Variants in MARCHF4 observed in about 807,000 individuals in gnomAD.
MARCHF4 encodes E3 ubiquitin-protein ligase MARCHF4.
A neutral mutation model predicts 43.9 loss-of-function variants in MARCHF4; 14 were observed. That is an observed-to-expected ratio of 0.32 (90% confidence interval 0.21 to 0.50). MARCHF4 has a LOEUF of 0.50. MARCHF4 is among the 20% of genes least tolerant of loss of function. The pLI, the probability that MARCHF4 is intolerant of heterozygous loss-of-function variation, is 0.98. For synonymous variants in MARCHF4, 226 were observed against 213.3 expected, an observed-to-expected ratio of 1.06 and a Z score of -0.52; for missense variants, 468 against 536.7, an observed-to-expected ratio of 0.87 and a Z score of 1.27.
intron 1 of MARCHF4, among the ~76,000 whole-genome samples, chr2:216,345,218 T>C (rs532968598): frequency 3.8e-4 from 58 of 152,138 alleles, no homozygotes; most frequent in African/African-American, 1.4e-3. Context: ...GGGCCTCTGC[T>C]TTCTCCCCAC....
intron 2 of MARCHF4, among the ~76,000 whole-genome samples, chr2:216,281,099 T>C (rs1240734303): frequency 7.4e-6 from 1 of 135,864 alleles, no homozygotes; most frequent in Non-Finnish European, 1.5e-5. Context: ...AGGATCTCGC[T>C]CTGCCACCCA....
chr2:216,352,303 G>A (rs1212671049), intron 1 of MARCHF4, among the ~76,000 whole-genome samples: 1 of 152,192 alleles, frequency 6.6e-6, no homozygotes, highest in Non-Finnish European at 1.5e-5. Flanking sequence ...GTGGAAGCCA[G>A]GCTGGGTTAG....
intron 3 of MARCHF4, among the ~76,000 whole-genome samples, chr2:216,265,030 A>G (rs1310944241): frequency 1.3e-5 from 2 of 152,170 alleles, no homozygotes; most frequent in African/African-American, 2.4e-5. Context: ...ACTGGGGCTC[A>G]TCTGATAGGA....
In MARCHF4 at chr2:216,309,869, T is replaced by C. The variant is rs370888162; in HGVS notation, c.517-26140A>G. On this transcript the variant is annotated intron_variant, in intron 1 of 3. Transcript: ENST00000273067. ...CATGATGTAGTTCCACTTGGCTTTC[T>C]GCCCCCTTTCAACCAAAAGAGCTCT... 2.4e-3 allele frequency among the ~76,000 whole-genome samples: 293 copies of C among 124,340 alleles called. 1 individual carries two copies. The highest frequency in any genetic ancestry group is 7.1e-3 in the African/African-American group (274 of 38,554). 81.6% of individuals were successfully genotyped at this position (124,340 alleles called of 152,430 possible).
At chr2:216,267,905 C>T (rs986115188) in intron 3 of MARCHF4, among the ~76,000 whole-genome samples, 4 of 152,234 alleles carry the variant, frequency 2.6e-5, no homozygotes, top group Non-Finnish European at 5.9e-5. Flanking sequence ...GCATCTGCTT[C>T]TAAATCAGTC....
chr2:216,349,776 G>A (rs1235125754), intron 1 of MARCHF4, among the ~76,000 whole-genome samples: 2 of 152,150 alleles, frequency 1.3e-5, no homozygotes, highest in Non-Finnish European at 2.9e-5. Context: ...CAAGGCTGGA[G>A]GCTCGACCAA....
intron 1 of MARCHF4, chr2:216,321,600 A>G (rs975867467): frequency 6.6e-6 from 1 of 152,168 alleles, no homozygotes; most frequent in Admixed American, 6.5e-5. Context: ...ATCTTGTTAA[A>G]TGGAGATGGG....
chr2:216,292,437 A>G (rs779028538), intron 1 of MARCHF4, among the ~76,000 whole-genome samples: 2 of 152,190 alleles, frequency 1.3e-5, no homozygotes, highest in Non-Finnish European at 2.9e-5. Context: ...GCCCATGTGT[A>G]TTAGTGTGGG....
intron 1 of MARCHF4, among the ~76,000 whole-genome samples, chr2:216,338,685 T>G (rs931097863): frequency 6.6e-6 from 1 of 152,128 alleles, no homozygotes; most frequent in African/African-American, 2.4e-5. Context: ...AATCCCCACA[T>G]GAACCATCTA....
At chr2:216,268,264 A>G (rs571745381) in intron 3 of MARCHF4, among the ~76,000 whole-genome samples, 3 of 152,290 alleles carry the variant, frequency 2.0e-5, no homozygotes, top group African/African-American at 7.2e-5. Context: ...ATGAGGAACT[A>G]ACTGTAGAGA....
intron 3 of MARCHF4, among the ~76,000 whole-genome samples, chr2:216,260,862 G>A (rs574701431): frequency 3.3e-5 from 5 of 152,198 alleles, no homozygotes; most frequent in East Asian, 1.9e-4. Context: ...GATGTCATGC[G>A]GGTTGGAAAT....
chr2:216,297,858 T>C (rs1691422035), intron 1 of MARCHF4, among the ~76,000 whole-genome samples: 1 of 152,188 alleles, frequency 6.6e-6, no homozygotes, highest in Admixed American at 6.5e-5. Flanking sequence ...CTCTTAGCCC[T>C]GGTGTTGAGA....
chr2:216,283,794 C>T (rs1363843826), intron 1 of MARCHF4, 65 bp from the exon 2 acceptor site: 19 of 1,469,198 alleles, frequency 1.3e-5, no homozygotes, highest in Middle Eastern at 2.4e-4. Flanking sequence ...GAGTGATGGG[C>T]GGGAGGGTGG....
chr2:216,271,683 T>A (rs1690941009), intron 3 of MARCHF4, among the ~76,000 whole-genome samples: 1 of 152,182 alleles, frequency 6.6e-6, no homozygotes, highest in South Asian at 2.1e-4. Flanking sequence ...CCAGCTCTTA[T>A]TATATGGGGT....
chr2:216,272,130 A>G lies in MARCHF4; in HGVS notation c.865+5542T>C, dbSNP rs557157623. Among the ~76,000 whole-genome samples the G allele has an allele frequency of 2.6e-5, 4 of 152,216 alleles. No individual in the cohort carries two copies. In the East Asian group the frequency reaches 7.7e-4, roughly 29 times the overall value. On this transcript the variant is annotated intron_variant, in intron 3 of 3. Transcript: ENST00000273067. ...TGGCCTCCCAAAGTGCCAAGATTAC[A>G]GGTATGAGCTACTGTGTCTGGCCTG...
At chr2:216,273,760 C>T (rs1690977629) in intron 3 of MARCHF4, among the ~76,000 whole-genome samples, 2 of 152,190 alleles carry the variant, frequency 1.3e-5, no homozygotes, top group South Asian at 2.1e-4. Flanking sequence ...TTTCCGCCTT[C>T]GTGCAGCAAG....
intron 3 of MARCHF4, among the ~76,000 whole-genome samples, chr2:216,274,386 C>A (rs932660688): frequency 6.6e-5 from 10 of 152,146 alleles, no homozygotes; most frequent in Non-Finnish European, 1.3e-4. Context: ...CTAGTTGAGC[C>A]TAAAAATAAA....
intron 3 of MARCHF4, among the ~76,000 whole-genome samples, chr2:216,261,049 T>C (rs946616059): frequency 6.6e-6 from 1 of 152,120 alleles, no homozygotes; most frequent in Admixed American, 6.5e-5. Context: ...AGCCATTTCC[T>C]GAGAAGTGGA....
intron 1 of MARCHF4, among the ~76,000 whole-genome samples, chr2:216,335,201 C>T (rs1330203399): frequency 1.3e-5 from 2 of 152,256 alleles, no homozygotes; most frequent in South Asian, 2.1e-4. Flanking sequence ...GAGAGTCAAA[C>T]ACTAATTGGC....
Sources: allele counts gnomAD v4.1 joint callset (sites outside exome capture counted in the v4.1 genomes callset), GRCh38; gene constraint gnomAD v4.1.1; transcripts MANE v1.5; gene names NCBI Gene and HGNC (gene_info 2026-07-23, HGNC 2026-07-21).